CPQ: variants seen among roughly 807,000 people sequenced by gnomAD.
CPQ encodes Ser-Met dipeptidase.
Under a neutral mutation model 45.7 loss-of-function variants are expected in CPQ, and 37 were observed. That is an observed-to-expected ratio of 0.81 (90% CI 0.62 to 1.07). The LOEUF (loss-of-function observed/expected upper bound fraction) is 1.07, where lower values mean the gene tolerates loss of function less well. CPQ is among the 50% of genes least tolerant of loss of function. The probability of loss-of-function intolerance (pLI) is 0.00; values close to 1 mark genes in which losing one functional copy is unlikely to be tolerated. For missense variants in CPQ, 537 were observed against 572.9 expected (o/e 0.94, Z 0.64); for synonymous variants, 186 against 205.8 (o/e 0.90, Z 0.82).
intron 3 of CPQ, among the ~76,000 whole-genome samples, chr8:96,866,363 T>C (rs191422157): frequency 2.6e-5 from 4 of 152,164 alleles, no homozygotes; most frequent in Non-Finnish European, 5.9e-5. Context: ...TTTAAGACAT[T>C]ATACCGGGTA....
intron 2 of CPQ, among the ~76,000 whole-genome samples, chr8:96,810,602 T>C (rs1213289722): frequency 6.6e-6 from 1 of 152,214 alleles, no homozygotes; most frequent in Non-Finnish European, 1.5e-5. Flanking sequence ...GTTATTATTA[T>C]GTCATTGGAA....
chr8:97,071,336 A>G (rs1159749662), intron 7 of CPQ, among the ~76,000 whole-genome samples: 1 of 152,178 alleles, frequency 6.6e-6, no homozygotes, highest in Non-Finnish European at 1.5e-5. Context: ...CACAGACAAC[A>G]CAGACTAGTA....
chr8:97,087,541 AAATTAAG>A (rs1811061166), intron 7 of CPQ, among the ~76,000 whole-genome samples: 2 of 152,208 alleles, frequency 1.3e-5, no homozygotes, highest in Non-Finnish European at 2.9e-5. Context: ...CTTGAATAGT[AAATTAAG>A]AAACCCAAAA....
intron 5 of CPQ, among the ~76,000 whole-genome samples, chr8:96,999,999 CTTT>C (rs534518950): frequency 7.0e-6 from 1 of 143,046 alleles, no homozygotes; most frequent in Admixed American, 7.0e-5. Context: ...TGCTGCTGAG[CTTT>C]TTTTTTTTTG....
At chr8:96,778,664 T>C (rs1810646717) in intron 1 of CPQ, among the ~76,000 whole-genome samples, 3 of 152,156 alleles carry the variant, frequency 2.0e-5, no homozygotes, top group Admixed American at 6.6e-5. Flanking sequence ...ACAGTCTAGT[T>C]AAGGTATTTA....
At chr8:96,745,099 G>A (rs1318686156) in intron 1 of CPQ, among the ~76,000 whole-genome samples, 3 of 152,164 alleles carry the variant, frequency 2.0e-5, no homozygotes, top group Non-Finnish European at 4.4e-5. Context: ...CACAAGGTCA[G>A]GAGTTCGAGA....
intron 2 of CPQ, among the ~76,000 whole-genome samples, chr8:96,825,430 C>T (rs1416522237): frequency 6.6e-6 from 1 of 152,016 alleles, no homozygotes; most frequent in African/African-American, 2.4e-5. Flanking sequence ...CTGTCACTTT[C>T]TAGTTTGGTA....
intron 4 of CPQ, among the ~76,000 whole-genome samples, chr8:96,925,800 C>T (rs1812866680): frequency 6.6e-6 from 1 of 151,988 alleles, no homozygotes; most frequent in South Asian, 2.1e-4. Context: ...AGTGATTCCC[C>T]TGCTTCAGCC....
chr8:96,685,302 T>C (rs1809211416), intron 1 of CPQ, among the ~76,000 whole-genome samples: 1 of 152,148 alleles, frequency 6.6e-6, no homozygotes, highest in South Asian at 2.1e-4. Context: ...TTAGAAAATC[T>C]TTATTGCTCT....
At chr8:96,696,913 C>T (rs1006275585) in intron 1 of CPQ, among the ~76,000 whole-genome samples, 1 of 152,130 alleles carries the variant, frequency 6.6e-6, no homozygotes, top group Admixed American at 6.6e-5. Context: ...CTTGATGGTT[C>T]CATGGCTGAA....
rs2704242 is a variant in CPQ, at chr8:96,707,945, G to T, written c.-35+62543G>T. 4.9e-3 allele frequency among the ~76,000 whole-genome samples: 741 copies of T among 152,210 alleles called. 5 individuals are homozygous for T. Among genetic ancestry groups the T allele is most frequent in the African/African-American group, 0.017 (713 of 41,550 alleles). On this transcript the variant is annotated intron_variant, in intron 1 of 7. Coordinates refer to ENST00000220763, the MANE Select transcript of CPQ (RefSeq NM_016134.4). The stretch of plus-strand genomic sequence containing the variant: ...AAGTATTGTCATATTGTGTCACTCT[G>T]ACACTCAAGTTAGAAATCTAGCACT...
chr8:97,135,723 A>G (rs1812044764), intron 7 of CPQ, among the ~76,000 whole-genome samples: 1 of 152,166 alleles, frequency 6.6e-6, no homozygotes, highest in Admixed American at 6.5e-5. Context: ...ACTGTTCAAG[A>G]TGTGTTTATA....
chr8:97,123,023 AT>A (rs1811758771), intron 7 of CPQ, among the ~76,000 whole-genome samples: 1 of 21,390 alleles, frequency 4.7e-5, no homozygotes, highest in Non-Finnish European at 8.8e-5. Context: ...ATAAAATAAA[AT>A]AAATAAAATA....
chr8:96,707,384 T>C (rs1254812704), intron 1 of CPQ, among the ~76,000 whole-genome samples: 1 of 152,160 alleles, frequency 6.6e-6, no homozygotes, highest in Non-Finnish European at 1.5e-5. Flanking sequence ...TGCAAGTATC[T>C]ACTTCAAGCT....
intron 7 of CPQ, among the ~76,000 whole-genome samples, chr8:97,104,970 AC>A (rs1293308200): frequency 6.6e-6 from 1 of 152,212 alleles, no homozygotes; most frequent in Non-Finnish European, 1.5e-5. Context: ...TACATAACAA[AC>A]TACCAATTTC....
At chr8:96,983,972 G>A (rs1301893566) in intron 5 of CPQ, among the ~76,000 whole-genome samples, 1 of 151,644 alleles carries the variant, frequency 6.6e-6, no homozygotes, top group African/African-American at 2.4e-5. Context: ...TACATTTTGT[G>A]ATTTTCTAAC....
At chr8:97,027,960 C>G (rs1340526730) in intron 5 of CPQ, among the ~76,000 whole-genome samples, 1 of 152,124 alleles carries the variant, frequency 6.6e-6, no homozygotes, top group East Asian at 1.9e-4. Context: ...AGCAGCAAGC[C>G]CAGTTAGGAG....
intron 1 of CPQ, among the ~76,000 whole-genome samples, chr8:96,721,999 G>A (rs563064480): frequency 1.3e-5 from 2 of 152,088 alleles, no homozygotes; most frequent in African/African-American, 4.8e-5. Flanking sequence ...CAGGATAGAG[G>A]CCCTGTTTTA....
intron 1 of CPQ, among the ~76,000 whole-genome samples, chr8:96,749,786 A>G (rs555604945): frequency 1.1e-4 from 16 of 152,172 alleles, no homozygotes; most frequent in Non-Finnish European, 1.8e-4. Context: ...GCCTTTCTGG[A>G]GTGCAGTTCT....
Sources: allele counts gnomAD v4.1 joint callset (sites outside exome capture counted in the v4.1 genomes callset), GRCh38; gene constraint gnomAD v4.1.1; transcripts MANE v1.5; gene names NCBI Gene and HGNC (gene_info 2026-07-23, HGNC 2026-07-21).